FRAS1: variants seen among roughly 807,000 people sequenced by gnomAD.
FRAS1 encodes the protein Fraser extracellular matrix complex subunit 1, also known as extracellular matrix organizing protein FRAS1.
In FRAS1, 290 loss-of-function variants were observed where a neutral mutation model predicts 435.2. The observed-to-expected ratio is 0.67, with a 90% CI of 0.61 to 0.73. The LOEUF (loss-of-function observed/expected upper bound fraction) is 0.73, where lower values mean the gene tolerates loss of function less well. Ranked by LOEUF, FRAS1 falls within the 30% of genes least tolerant of loss-of-function variation. The pLI, the probability that FRAS1 is intolerant of heterozygous loss-of-function variation, is 0.00. For missense variants in FRAS1, 4,860 were observed against 5,001.5 expected (o/e 0.97, Z 0.85); for synonymous variants, 1,800 against 1,851.0 (o/e 0.97, Z 0.71).
chr4:78,343,196 A>G (rs1308123402), intron 20 of FRAS1, among the ~76,000 whole-genome samples: 1 of 152,196 alleles, frequency 6.6e-6, no homozygotes. Flanking sequence ...TGTGCTGTGA[A>G]TCTTTAAGAT....
chr4:78,237,411 T>C (rs911418519), intron 2 of FRAS1, 99 bp from the exon 3 acceptor site: 17 of 793,306 alleles, frequency 2.1e-5, no homozygotes, highest in Admixed American at 6.3e-5. Context: ...TTTCTTTGTC[T>C]TGTAATTGTC....
At chr4:78,278,507 CAG>C in intron 9 of FRAS1, 146 bp from the exon 10 acceptor site, 1 of 609,702 alleles carries the variant, frequency 1.6e-6, no homozygotes, top group Non-Finnish European at 2.9e-6. Flanking sequence ...GAAGACAGGA[CAG>C]GGGGAGATGA....
chr4:78,141,811 G>A (rs1281741216), intron 2 of FRAS1, among the ~76,000 whole-genome samples: 2 of 152,082 alleles, frequency 1.3e-5, no homozygotes, highest in Non-Finnish European at 2.9e-5. Context: ...GCCATAAAAA[G>A]GAATGAATTA....
chr4:78,095,630 G>A (rs765017279), intron 2 of FRAS1, among the ~76,000 whole-genome samples: 2 of 152,242 alleles, frequency 1.3e-5, no homozygotes, highest in Non-Finnish European at 2.9e-5. Flanking sequence ...GGAAGCCAAG[G>A]AGGAACAAGT....
intron 2 of FRAS1, among the ~76,000 whole-genome samples, chr4:78,191,261 G>T (rs1722519999): frequency 6.6e-6 from 1 of 152,196 alleles, no homozygotes; most frequent in Non-Finnish European, 1.5e-5. Flanking sequence ...CTTAGCACAT[G>T]TCTGGATCTT....
rs374688692 is a variant in FRAS1 at position 78,267,260 on chromosome 4, G to A, written c.809G>A (p.Arg270His). 130 of 1,613,568 alleles carry A rather than the reference G, an allele frequency of 8.1e-5. No homozygotes were observed. The highest frequency in any genetic ancestry group is 2.0e-4 in the African/African-American group (15 of 74,916). Residue 270 changes from arginine (R) to histidine (H), a missense_variant, in exon 9 of 74, where the codon CGT (arginine) becomes CAT (histidine). Physicochemically the swap from Arg to His is conservative, Grantham distance 29. Coordinates refer to ENST00000512123, the MANE Select transcript of FRAS1 (RefSeq NM_025074.7). ...TCCTAGGGTCAGAGCAGGGCTCGGC[G>A]TCATGGGCAATGCTGTGAGGAATGT... ...RCGKGQSRAR[R>H]HGQCCEECVS...
At chr4:78,411,588 G>A (rs1733337350) in intron 31 of FRAS1, among the ~76,000 whole-genome samples, 1 of 152,092 alleles carries the variant, frequency 6.6e-6, no homozygotes, top group African/African-American at 2.4e-5. Flanking sequence ...TTTTGGTGTG[G>A]GAAGGAGCCC....
At chr4:78,319,291 A>T in intron 18 of FRAS1, 1 of 512,730 alleles carries the variant, frequency 2.0e-6, no homozygotes, top group Middle Eastern at 3.0e-4. Flanking sequence ...AAAGACTCAG[A>T]GCTCATTGTA....
At chr4:78,156,063 A>G (rs1720869772) in intron 2 of FRAS1, among the ~76,000 whole-genome samples, 1 of 152,186 alleles carries the variant, frequency 6.6e-6, no homozygotes, top group Non-Finnish European at 1.5e-5. Flanking sequence ...AATAGAGTCC[A>G]TGGGTTCAAG....
chr4:78,275,901 G>T (rs1003164008), intron 9 of FRAS1, among the ~76,000 whole-genome samples: 1 of 152,188 alleles, frequency 6.6e-6, no homozygotes, highest in Non-Finnish European at 1.5e-5. Flanking sequence ...ATAATATACT[G>T]CAGAGTGTTT....
At chr4:78,277,460 C>G (rs962655400) in intron 9 of FRAS1, among the ~76,000 whole-genome samples, 3 of 152,016 alleles carry the variant, frequency 2.0e-5, no homozygotes, top group African/African-American at 7.3e-5. Flanking sequence ...TTGGAACCGC[C>G]CCCCCCATTC....
chr4:78,281,284 T>C (rs1490799397), intron 10 of FRAS1, 114 bp from the exon 11 acceptor site: 1 of 658,384 alleles, frequency 1.5e-6, no homozygotes, highest in Non-Finnish European at 2.6e-6. Context: ...TCATAACCAG[T>C]GAATAAAGTT....
At chr4:78,097,810 A>G (rs1283004768) in intron 2 of FRAS1, among the ~76,000 whole-genome samples, 1 of 152,052 alleles carries the variant, frequency 6.6e-6, no homozygotes, top group East Asian at 1.9e-4. Flanking sequence ...TTAGTACTTC[A>G]GAATGTGTCT....
intron 14 of FRAS1, among the ~76,000 whole-genome samples, chr4:78,286,787 CT>C (rs1727628655): frequency 6.6e-6 from 1 of 152,064 alleles, no homozygotes; most frequent in African/African-American, 2.4e-5. Context: ...TATATGCCTA[CT>C]TTTATTTTAT....
intron 49 of FRAS1, 112 bp from the exon 50 acceptor site, chr4:78,466,096 C>CT: frequency 1.3e-6 from 1 of 766,532 alleles, no homozygotes; most frequent in East Asian, 2.6e-5. Flanking sequence ...ACAGTCCTTA[C>CT]TTTATCAATG....
At chr4:78,286,790 T>A (rs1485343915) in intron 14 of FRAS1, among the ~76,000 whole-genome samples, 1 of 152,208 alleles carries the variant, frequency 6.6e-6, no homozygotes, top group African/African-American at 2.4e-5. Context: ...ATGCCTACTT[T>A]TATTTTATAT....
intron 9 of FRAS1, among the ~76,000 whole-genome samples, chr4:78,271,249 T>A (rs1477168132): frequency 6.8e-6 from 1 of 147,398 alleles, no homozygotes; most frequent in Non-Finnish European, 1.5e-5. Flanking sequence ...AATTAAATAT[T>A]AAATATTTAG....
chr4:78,116,049 C>G (rs1457490572), intron 2 of FRAS1, among the ~76,000 whole-genome samples: 9 of 152,158 alleles, frequency 5.9e-5, no homozygotes, highest in African/African-American at 2.2e-4. Context: ...TCATTGGTTT[C>G]AAAGAACATC....
At position 78,410,063 on chromosome 4, in the gene FRAS1, G is replaced by C. The variant is rs557558085; in HGVS notation, c.4308+2222G>C. On this transcript the variant is annotated intron_variant, in intron 31 of 73. Coordinates refer to ENST00000512123, the MANE Select transcript of FRAS1 (RefSeq NM_025074.7). ...TTTTCATTTTTAGCACCTGGGGATT[G>C]CAGCAGTCATCAAAGAATGAGTCAG... Among the ~76,000 whole-genome samples, 3 of 152,314 alleles carry C rather than the reference G, an allele frequency of 2.0e-5. No homozygotes were observed. The South Asian group carries it at 6.2e-4, about 32-fold the overall frequency.
Sources: gnomAD v4.1 joint callset for allele counts (sites outside exome capture counted in the v4.1 genomes callset) on GRCh38, gnomAD v4.1.1 for gene constraint, MANE v1.5 for transcripts, NCBI Gene and HGNC (gene_info 2026-07-23, HGNC 2026-07-21) for gene names.